WDR12: variants seen among roughly 807,000 people sequenced by gnomAD.
The protein encoded by WDR12 is ribosome biogenesis protein WDR12.
WDR12 carries 42 observed loss-of-function variants against 64.3 expected under a neutral mutation model. The ratio of observed to expected loss-of-function variants is 0.65; its 90% CI spans 0.51 to 0.84. WDR12 has a LOEUF of 0.84. WDR12 is among the 40% of genes least tolerant of loss of function. The pLI, the probability that WDR12 is intolerant of heterozygous loss-of-function variation, is 0.00. For synonymous variants in WDR12, 158 were observed against 173.3 expected (o/e 0.91, Z 0.70); for missense variants, 469 against 494.6 (o/e 0.95, Z 0.49).
In WDR12 at chr2:202,882,713, CT is replaced by C; in HGVS notation, c.1191del (p.Leu399TyrfsTer3). On this transcript the variant is annotated frameshift_variant, in exon 12 of 13. Coordinates refer to ENST00000261015, the MANE Select transcript of WDR12 (RefSeq NM_018256.4). LOFTEE classifies it high-confidence loss of function. Reference protein sequence around the residue: ...DKVLSVDWTDTGLLLSGGADN... With the variant: ...DKVLSVDWTDXGLLLSGGADN... ...TCAAATAACTAATAAATTCTTACCC[CT>C]GTGTCTGTCCAGTCTACACTCAGAA... The C allele has an allele frequency of 1.2e-6, 2 of 1,613,484 alleles. No individual in the cohort carries two copies. Among genetic ancestry groups the C allele is most frequent in the East Asian group, 2.2e-5 (1 of 44,866 alleles).
intron 2 of WDR12, among the ~76,000 whole-genome samples, chr2:202,903,731 GA>G (rs1559163994): frequency 6.6e-6 from 1 of 151,980 alleles, no homozygotes; most frequent in Non-Finnish European, 1.5e-5. Flanking sequence ...CGAACAATCA[GA>G]AAAAGAAATC....
At chr2:202,908,772 G>C (rs1354839615) in intron 1 of WDR12, among the ~76,000 whole-genome samples, 1 of 152,160 alleles carries the variant, frequency 6.6e-6, no homozygotes, top group Non-Finnish European at 1.5e-5. Flanking sequence ...TGAAATAGAG[G>C]AACACATGAC....
In WDR12 at chr2:202,897,521, C is replaced by G; in HGVS notation, c.339-106G>C. ...ACTTTGAGGATTATACTTTTAAACT[C>G]TTTTTTGATATGAAGATTGAGATTT... On this transcript the variant is annotated intron_variant, in intron 4 of 12. Transcript: ENST00000261015. The G allele has an allele frequency of 5.6e-6, 3 of 534,838 alleles. 1 individual carries two copies. The highest frequency in any genetic ancestry group is 6.9e-5 in the South Asian group (2 of 29,156). 33.1% of individuals were successfully genotyped at this position (534,838 alleles called of 1,614,324 possible). A position where few individuals can be genotyped will look rare whatever the true frequency, so the allele number is the denominator to read the frequency against.
Position 202,886,152 on chromosome 2 carries a change from T to TA in WDR12, c.742-1618dup, listed in dbSNP as rs573306527. Among the ~76,000 whole-genome samples the TA allele has an allele frequency of 5.5e-3, 730 of 131,864 alleles. 2 individuals are homozygous for TA. Among genetic ancestry groups the TA allele is most frequent in the Middle Eastern group, 8.1e-3 (2 of 246 alleles). The allele number at this position is 131,864 out of a possible 152,430, so 86.5% of individuals were successfully genotyped here. A position where few individuals can be genotyped will look rare whatever the true frequency, so the allele number is the denominator to read the frequency against. On this transcript the variant is annotated intron_variant, in intron 8 of 12. Coordinates refer to ENST00000261015, the MANE Select transcript of WDR12 (RefSeq NM_018256.4). ...GTGTGAACAAGAGAGATCTTGTCTC[T>TA]AAAAAAAAAAAAAAAGAGAGGAGGC...
chr2:202,883,235 G>C (rs1003408868), intron 11 of WDR12, among the ~76,000 whole-genome samples: 9 of 151,864 alleles, frequency 5.9e-5, no homozygotes, highest in African/African-American at 2.2e-4. Context: ...TCCTGGGTTC[G>C]AGCGATTCTC....
At chr2:202,904,693 T>C (rs1009169378) in intron 2 of WDR12, among the ~76,000 whole-genome samples, 1 of 152,164 alleles carries the variant, frequency 6.6e-6, no homozygotes, top group East Asian at 1.9e-4. Flanking sequence ...AAGACTTAAA[T>C]ATTTGTAAGA....
intron 1 of WDR12, among the ~76,000 whole-genome samples, chr2:202,911,188 G>C (rs1008277993): frequency 3.3e-5 from 5 of 152,056 alleles, no homozygotes; most frequent in African/African-American, 1.2e-4. Flanking sequence ...CTATAACAAG[G>C]CCCACTGTTC....
At chr2:202,890,996 T>TAAAAAAAAAA (rs71030997) in intron 8 of WDR12, among the ~76,000 whole-genome samples, 1 of 111,176 alleles carries the variant, frequency 9.0e-6, no homozygotes, top group Non-Finnish European at 1.7e-5. Context: ...TTTGTCTCTT[T>TAAAAAAAAAA]AAAAAAAAAA....
intron 2 of WDR12, among the ~76,000 whole-genome samples, chr2:202,907,582 C>T (rs1390690166): frequency 1.3e-5 from 2 of 152,098 alleles, no homozygotes; most frequent in Non-Finnish European, 2.9e-5. Context: ...GTCTTGATTA[C>T]CTCTATATTA....
chr2:202,899,499 A>G (rs1282504943), intron 4 of WDR12, 32 bp downstream of exon 4: 1 of 1,591,128 alleles, frequency 6.3e-7, no homozygotes. Context: ...AAACAAAACA[A>G]AAAAAAGAGA....
rs1036832607 is a variant in WDR12 at position 202,875,152 on chromosome 2, T to A, written c.*5708A>T. On this transcript the variant is annotated 3_prime_UTR_variant, in exon 13 of 13. Coordinates refer to ENST00000261015, the MANE Select transcript of WDR12 (RefSeq NM_018256.4). ...TGTCTGCATTGTGGTTTCCTTTAAA[T>A]AACATGAATGACATAATTACATGAA... is the stretch of plus-strand genomic sequence containing the variant. The A allele has an allele frequency of 3.9e-5, 6 of 152,228 alleles. No homozygotes were observed. Among genetic ancestry groups the A allele is most frequent in the Non-Finnish European group, 8.8e-5 (6 of 68,048 alleles). 9.4% of individuals were successfully genotyped at this position (152,228 alleles called of 1,614,324 possible). A position where few individuals can be genotyped will look rare whatever the true frequency, so the allele number is the denominator to read the frequency against.
chr2:202,905,826 G>C (rs1688447202), intron 2 of WDR12, among the ~76,000 whole-genome samples: 1 of 152,134 alleles, frequency 6.6e-6, no homozygotes. Flanking sequence ...TTAAAACATT[G>C]AACTCATGGA....
At chr2:202,899,427 C>T (rs1328319384) in intron 4 of WDR12, 104 bp downstream of exon 4, 4 of 987,994 alleles carry the variant, frequency 4.0e-6, no homozygotes, top group African/African-American at 1.7e-5. Context: ...AATTAATTTA[C>T]AAATAACATT....
intron 3 of WDR12, 107 bp from the exon 4 acceptor site, chr2:202,899,744 G>T: frequency 1.0e-6 from 1 of 994,684 alleles, no homozygotes; most frequent in Non-Finnish European, 1.5e-6. Context: ...CTTCATATTA[G>T]TCCCCTTTAT....
At position 202,882,853 on chromosome 2, in the gene WDR12, A is replaced by G. The variant is rs1409566373; in HGVS notation, c.1122-70T>C. The G allele has an allele frequency of 2.7e-6, 4 of 1,499,952 alleles. No individual in the cohort carries two copies. In the East Asian group the frequency reaches 9.1e-5, roughly 34 times the overall value. 92.9% of individuals were successfully genotyped at this position (1,499,952 alleles called of 1,614,324 possible). A position where few individuals can be genotyped will look rare whatever the true frequency, so the allele number is the denominator to read the frequency against. On this transcript the variant is annotated intron_variant, in intron 11 of 12. Transcript: ENST00000261015. ...AAAACAAACATTTGAATAATCACTT[A>G]TACTTATCTGAAAACTTTACAGGGT...
intron 8 of WDR12, among the ~76,000 whole-genome samples, chr2:202,885,781 C>A (rs768603930): frequency 5.3e-5 from 8 of 152,078 alleles, no homozygotes; most frequent in Non-Finnish European, 7.4e-5. Context: ...TGGGAAGAGC[C>A]AGGCACAGAG....
At chr2:202,895,346 T>G (rs896796496) in intron 6 of WDR12, among the ~76,000 whole-genome samples, 1 of 152,168 alleles carries the variant, frequency 6.6e-6, no homozygotes, top group Non-Finnish European at 1.5e-5. Flanking sequence ...ATTGATACTA[T>G]AGTAAAACTC....
chr2:202,890,051 A>G (rs1356719929), intron 8 of WDR12, among the ~76,000 whole-genome samples: 1 of 151,410 alleles, frequency 6.6e-6, no homozygotes, highest in Admixed American at 6.6e-5. Flanking sequence ...ACATGACAAA[A>G]CCCAATATCT....
In WDR12 at chr2:202,892,614, G is replaced by A; in HGVS notation, c.741+3C>T. The stretch of plus-strand genomic sequence containing the variant: ...AGTACAGTCAGTTCTCACAAATACT[G>A]ACCCTTGTTAGTCCCAACTGTTCTG... On this transcript the variant is annotated splice_donor_region_variant and intron_variant, in intron 8 of 12. Transcript: ENST00000261015. The A allele has an allele frequency of 6.2e-7, 1 of 1,609,620 alleles. No individual in the cohort carries two copies. Among genetic ancestry groups the A allele is most frequent in the Non-Finnish European group, 8.5e-7 (1 of 1,176,608 alleles).
Sources: allele counts gnomAD v4.1 joint callset (sites outside exome capture counted in the v4.1 genomes callset), GRCh38; gene constraint gnomAD v4.1.1; transcripts MANE v1.5; gene names NCBI Gene and HGNC (gene_info 2026-07-23, HGNC 2026-07-21).